Variants in MRPL11 observed in about 807,000 individuals in gnomAD.
MRPL11 encodes the protein mitochondrial ribosomal protein L11.
In MRPL11, 21 loss-of-function variants were observed where a neutral mutation model predicts 19.1. The observed-to-expected ratio is 1.10, with a 90% CI of 0.78 to 1.58. The LOEUF (loss-of-function observed/expected upper bound fraction) is 1.58, where lower values mean the gene tolerates loss of function less well. Ranked by LOEUF, MRPL11 falls within the 40% of genes most tolerant of loss-of-function variation. The pLI is 0.00. For synonymous variants in MRPL11, 108 were observed against 99.7 expected (o/e 1.08, Z -0.49); for missense variants, 242 against 243.9 (o/e 0.99, Z 0.05).
At chr11:66,437,289 T>C (rs759142812) in intron 3 of MRPL11, 26 bp from the exon 4 acceptor site, 61 of 1,614,050 alleles carry the variant, frequency 3.8e-5, no homozygotes, top group Non-Finnish European at 4.7e-5. Flanking sequence ...AAGTGGCTCT[T>C]CAGGTGTTAC....
chr11:66,438,654 G>A lies in MRPL11; in HGVS notation c.101C>T (p.Pro34Leu). 1.3e-6 allele frequency: 2 copies of A among 1,558,868 alleles called. No homozygotes were observed. The highest frequency in any genetic ancestry group is 1.7e-6 in the Non-Finnish European group (2 of 1,150,420). The change falls in exon 1 of 5, where the codon CCA becomes CTA. Residue 34 changes from proline to leucine, a missense_variant. By Grantham distance (98) the Pro-to-Leu change is moderately conservative. Transcript: ENST00000310999. ...VRAGLAMPGPPLGPVLGQRGV... is the reference protein window; with the variant it reads ...VRAGLAMPGPLLGPVLGQRGV... ...CACCTGACCCAGCACTGGGCCTAGT[G>A]GGGGCCCGGGCATGGCCAGGCCTGC...
intron 4 of MRPL11, chr11:66,436,744 G>A: frequency 8.8e-7 from 1 of 1,134,724 alleles, no homozygotes; most frequent in South Asian, 1.3e-5. Flanking sequence ...TTTGCCTCAG[G>A]AGCAAGCATG....
In MRPL11 at chr11:66,437,331, T is replaced by A; in HGVS notation, c.313+19A>T. The A allele has an allele frequency of 6.2e-7, 1 of 1,614,210 alleles. No homozygotes were observed. The highest frequency in any genetic ancestry group is 8.5e-7 in the Non-Finnish European group (1 of 1,180,024). ...CTTCTGGAGCCCCCAGAATCTCAGA[T>A]GCTTACCCTGGCCCTCACCTGTTTG... On this transcript the variant is annotated intron_variant, in intron 3 of 4. Transcript: ENST00000310999.
Position 66,435,918 on chromosome 11 carries a change from A to G in MRPL11, c.*89T>C. ...TATATCATTCAAAGTCATGAAAACC[A>G]TCATCATATTGGTGTGACCTCCTTC... On this transcript the variant is annotated 3_prime_UTR_variant, in exon 5 of 5. Coordinates refer to ENST00000310999, the MANE Select transcript of MRPL11 (RefSeq NM_016050.5). 7.8e-6 allele frequency: 7 copies of G among 892,340 alleles called. No homozygotes were observed. Among genetic ancestry groups the G allele is most frequent in the Non-Finnish European group, 1.3e-5 (7 of 543,884 alleles). 55.3% of individuals were successfully genotyped at this position (892,340 alleles called of 1,614,324 possible).
chr11:66,436,314 CT>C (rs1183264107), intron 4 of MRPL11, among the ~76,000 whole-genome samples: 2 of 152,126 alleles, frequency 1.3e-5, no homozygotes, highest in East Asian at 3.9e-4. Context: ...CCCAACACCC[CT>C]ATCTTTTGTT....
At chr11:66,436,869 T>G in intron 4 of MRPL11, 1 of 1,614,208 alleles carries the variant, frequency 6.2e-7, no homozygotes, top group Non-Finnish European at 8.5e-7. Flanking sequence ...GGATCCTTCA[T>G]GGAGATCTTT....
Position 66,437,434 on chromosome 11 carries a change from T to C in MRPL11, c.229A>G (p.Thr77Ala). The part of the protein sequence containing the change: ...PTKILVKPDR[T>A]FEIKIGQPTV... Reference sequence around the variant, plus strand: ...GGCTGTCCAATCTTAATTTCAAATGTCCTGTCAGGCTTAACAGAAAAAAGA... The same window carrying C: ...GGCTGTCCAATCTTAATTTCAAATGCCCTGTCAGGCTTAACAGAAAAAAGA... Residue 77 changes from threonine (T) to alanine (A), a missense_variant, in exon 3 of 5, where the codon ACA (threonine) becomes GCA (alanine). Transcript: ENST00000310999. The C allele has an allele frequency of 6.2e-7, 1 of 1,614,178 alleles. No homozygotes were observed. Among genetic ancestry groups the C allele is most frequent in the Non-Finnish European group, 8.5e-7 (1 of 1,180,008 alleles).
At chr11:66,437,465 G>A (rs769235485) in intron 2 of MRPL11, 22 bp from the exon 3 acceptor site, 8 of 1,609,220 alleles carry the variant, frequency 5.0e-6, no homozygotes, top group Non-Finnish European at 6.8e-6. Context: ...AAAGAAATAT[G>A]AGATTCTCTC....
At chr11:66,436,780 C>T (rs1471297100) in intron 4 of MRPL11, 17 of 1,515,552 alleles carry the variant, frequency 1.1e-5, no homozygotes, top group Middle Eastern at 3.4e-4. Context: ...AAAAGTCCTT[C>T]GCACTGGTCC....
chr11:66,438,232 TG>T lies in MRPL11; in HGVS notation c.150del (p.Cys50Ter). The T allele has an allele frequency of 6.2e-7, 1 of 1,614,010 alleles. No homozygotes were observed. Among genetic ancestry groups the T allele is most frequent in the Non-Finnish European group, 8.5e-7 (1 of 1,179,896 alleles). ...GQRGVSINQF[C>X]KEFNERTKDI... ...TCCTTTGTCCTCTCATTGAACTCCT[TG>T]CAAAACTGGTTGATGGAAACGCCTC... is the stretch of plus-strand genomic sequence containing the variant. On this transcript the variant is annotated frameshift_variant, in exon 2 of 5. Transcript: ENST00000310999. LOFTEE classifies it high-confidence loss of function.
rs776201538 is a variant in MRPL11 at position 66,437,312 on chromosome 11, G to A, written c.313+38C>T. 5.6e-6 allele frequency: 9 copies of A among 1,614,104 alleles called. No homozygotes were observed. In the East Asian group the frequency reaches 6.7e-5, roughly 12 times the overall value. On this transcript the variant is annotated intron_variant, in intron 3 of 4. Coordinates refer to ENST00000310999, the MANE Select transcript of MRPL11 (RefSeq NM_016050.5). Reference sequence around the variant, plus strand: ...CTTCAGGTGTTACTGCTTCCTTCTGGAGCCCCCAGAATCTCAGATGCTTAC... The same window carrying A: ...CTTCAGGTGTTACTGCTTCCTTCTGAAGCCCCCAGAATCTCAGATGCTTAC...
Position 66,436,041 on chromosome 11 carries a change from T to A in MRPL11, c.545A>T (p.Asp182Val), listed in dbSNP as rs1474754719. Residue 182 changes from aspartate to valine, a missense_variant, in exon 5 of 5, where the codon GAT (aspartate) becomes GTT (valine). Physicochemically the swap from Asp to Val is radical, Grantham distance 152 (BLOSUM62 -3). Coordinates refer to ENST00000310999, the MANE Select transcript of MRPL11 (RefSeq NM_016050.5). ...GGCAGCTTCTTCTTGGGCAGCCAAA[T>A]CTGCCTCCTTCTGAGCAGCCAGGAA... ...AIFLAAQKEA[D>V]LAAQEEAAKK 1.9e-6 allele frequency: 3 copies of A among 1,613,850 alleles called. No individual in the cohort carries two copies. In the African/African-American group the frequency reaches 4.0e-5, roughly 22 times the overall value.
chr11:66,438,328 T>C (rs1015535682), intron 1 of MRPL11, 69 bp from the exon 2 acceptor site: 6 of 1,236,496 alleles, frequency 4.9e-6, no homozygotes, highest in Non-Finnish European at 6.0e-6. Context: ...GGAGGCGCCG[T>C]CCGTTCCCTC....
At position 66,438,799 on chromosome 11, in the gene MRPL11, AGCGAAGC is replaced by A; in HGVS notation, c.-52_-46del. 3 of 1,442,718 alleles carry A rather than the reference AGCGAAGC, an allele frequency of 2.1e-6. No homozygotes were observed. The highest frequency in any genetic ancestry group is 2.8e-5 in the Admixed American group (1 of 35,744). 89.4% of individuals were successfully genotyped at this position (1,442,718 alleles called of 1,614,324 possible). A position where few individuals can be genotyped will look rare whatever the true frequency, so the allele number is the denominator to read the frequency against. ...CAGTTCACCTCAGGGGAGCAGCAAGAGCGAAGCTCTGGGCGCCACCATCTTGGGCCAG... is the reference window on the plus strand; with the variant it reads ...CAGTTCACCTCAGGGGAGCAGCAAGATCTGGGCGCCACCATCTTGGGCCAG... On this transcript the variant is annotated 5_prime_UTR_variant, in exon 1 of 5. An upstream open reading frame in the 5' UTR loses its in-frame stop. Coordinates refer to ENST00000310999, the MANE Select transcript of MRPL11 (RefSeq NM_016050.5).
rs776937392 is a variant in MRPL11, at chr11:66,436,092, G to A, written c.494C>T (p.Ala165Val). The change falls in exon 5 of 5, where the codon GCA becomes GTA. Residue 165 changes from alanine to valine, a missense_variant. Transcript: ENST00000310999. ...GATGGCTCGTTCCTTCTGGAAAGCT[G>A]CAAGCTCTTCTGAACTGAGGCTGCA... ...VVKDLSSEEL[A>V]AFQKERAIFL... 6.2e-7 allele frequency: 1 copy of A among 1,613,804 alleles called. No individual in the cohort carries two copies. The highest frequency in any genetic ancestry group is 1.7e-4 in the Middle Eastern group (1 of 6,060).
intron 4 of MRPL11, chr11:66,436,842 C>T (rs776751504): frequency 1.9e-6 from 3 of 1,614,064 alleles, no homozygotes; most frequent in Non-Finnish European, 2.5e-6. Context: ...CCAGGTCACA[C>T]TGAACTTCTC....
In MRPL11 at chr11:66,437,410, G is replaced by T; in HGVS notation, c.253C>A (p.Pro85Thr). Residue 85 changes from proline to threonine, a missense_variant, in exon 3 of 5, where the codon CCC becomes ACC. Transcript: ENST00000310999. ...DRTFEIKIGQPTVSYFLKAAA... is the reference protein window; with the variant it reads ...DRTFEIKIGQTTVSYFLKAAA... ...GCCTTCAGGAAGTAGGAAACAGTGG[G>T]CTGTCCAATCTTAATTTCAAATGTC... 1.2e-5 allele frequency: 20 copies of T among 1,614,138 alleles called. No homozygotes were observed. Among genetic ancestry groups the T allele is most frequent in the Non-Finnish European group, 1.7e-5 (20 of 1,180,016 alleles).
In MRPL11 at chr11:66,438,787, G is replaced by T; in HGVS notation, c.-33C>A. The T allele has an allele frequency of 6.8e-7, 1 of 1,479,604 alleles. No homozygotes were observed. The highest frequency in any genetic ancestry group is 9.0e-7 in the Non-Finnish European group (1 of 1,110,922). 91.7% of individuals were successfully genotyped at this position (1,479,604 alleles called of 1,614,324 possible). On this transcript the variant is annotated 5_prime_UTR_variant, in exon 1 of 5. Transcript: ENST00000310999. ...GGCTGCTGGCTTCAGTTCACCTCAG[G>T]GGAGCAGCAAGAGCGAAGCTCTGGG...
intron 2 of MRPL11, 78 bp from the exon 3 acceptor site, chr11:66,437,521 C>T (rs945716956): frequency 7.9e-7 from 1 of 1,273,338 alleles, no homozygotes. Context: ...TTGCCCCCTG[C>T]TTCCTTCATC....
Sources: allele counts gnomAD v4.1 joint callset (sites outside exome capture counted in the v4.1 genomes callset), GRCh38; gene constraint gnomAD v4.1.1; transcripts MANE v1.5; gene names NCBI Gene and HGNC (gene_info 2026-07-23, HGNC 2026-07-21).